STAB2: variants seen among roughly 807,000 people sequenced by gnomAD.
STAB2 encodes the protein stabilin 2, also known as stabilin-2.
A neutral mutation model predicts 338.1 loss-of-function variants in STAB2; 288 were observed. The observed-to-expected ratio is 0.85, with a 90% CI of 0.77 to 0.94. STAB2 has a LOEUF of 0.94. Ranked by LOEUF, STAB2 falls within the 40% of genes least tolerant of loss-of-function variation. STAB2 has a pLI of 0.00. For missense variants in STAB2, 3,141 were observed against 3,210.1 expected (o/e 0.98, Z 0.52); for synonymous variants, 1,202 against 1,193.3 (o/e 1.01, Z -0.15).
In STAB2 at chr12:103,652,701, A is replaced by G. The variant is rs543249520; in HGVS notation, c.1403A>G (p.Asp468Gly). 3 of 1,600,076 alleles carry G rather than the reference A, an allele frequency of 1.9e-6. No individual in the cohort carries two copies. Among genetic ancestry groups the G allele is most frequent in the African/African-American group, 2.7e-5 (2 of 74,716 alleles). Residue 468 changes from aspartate to glycine, a missense_variant, in exon 12 of 69, where the codon GAT becomes GGT. Asp to Gly is a moderately conservative substitution (Grantham distance 94). Transcript: ENST00000388887. ...TGKSGEIFNS[D>G]KDNQIKLKLH... ...AAGTCGGGGGAAATCTTCAACAGCGATAAGGTAAGGGTTCCTCTGATTTTC... is the reference window on the plus strand; with the variant it reads ...AAGTCGGGGGAAATCTTCAACAGCGGTAAGGTAAGGGTTCCTCTGATTTTC...
chr12:103,598,370 G>T (rs931651138), intron 3 of STAB2, among the ~76,000 whole-genome samples: 1 of 152,192 alleles, frequency 6.6e-6, no homozygotes, highest in African/African-American at 2.4e-5. Flanking sequence ...TTTGCTGACA[G>T]CTTATAATGG....
chr12:103,750,922 C>A (rs1332198348), intron 60 of STAB2, among the ~76,000 whole-genome samples: 3 of 152,252 alleles, frequency 2.0e-5, no homozygotes, highest in African/African-American at 7.2e-5. Flanking sequence ...AAAACCCCAT[C>A]TCTACTAAAA....
Position 103,667,494 on chromosome 12 carries a change from A to C in STAB2, c.2085+1141A>C, listed in dbSNP as rs572366682. Among the ~76,000 whole-genome samples the C allele has an allele frequency of 6.6e-5, 10 of 152,340 alleles. No homozygotes were observed. In the South Asian group the frequency reaches 2.1e-3, roughly 32 times the overall value. On this transcript the variant is annotated intron_variant, in intron 19 of 68. Transcript: ENST00000388887. The stretch of plus-strand genomic sequence containing the variant: ...GTGGCAGAACCATGATTTGTTCTAC[A>C]TGTTTAATCACCATTCTATGATTGT...
chr12:103,593,995 G>A (rs1467627216), intron 2 of STAB2, among the ~76,000 whole-genome samples: 1 of 152,194 alleles, frequency 6.6e-6, no homozygotes, highest in East Asian at 1.9e-4. Flanking sequence ...CTAAGCCTGA[G>A]CAATGGGTTT....
At chr12:103,727,899 C>T (rs1206754216) in intron 47 of STAB2, among the ~76,000 whole-genome samples, 1 of 152,080 alleles carries the variant, frequency 6.6e-6, no homozygotes, top group Non-Finnish European at 1.5e-5. Flanking sequence ...GCTGTGAATA[C>T]TGAGGGAAGT....
Position 103,699,186 on chromosome 12 carries a change from G to A in STAB2, c.3673G>A (p.Gly1225Ser). 1.2e-6 allele frequency: 2 copies of A among 1,613,028 alleles called. No homozygotes were observed. The highest frequency in any genetic ancestry group is 2.2e-5 in the East Asian group (1 of 44,826). Residue 1225 changes from glycine (G) to serine (S), a missense_variant, in exon 34 of 69, where the codon GGT becomes AGT. Transcript: ENST00000388887. ...TGGCATGCATCGTGAGACCATGCTG[G>A]GTTTCTCCTATTTCCTTAGCTTCTT... ...HNGMHRETML[G>S]FSYFLSFFLH...
intron 43 of STAB2, 138 bp from the exon 44 acceptor site, chr12:103,717,632 A>C: frequency 1.5e-6 from 1 of 688,742 alleles, no homozygotes; most frequent in Non-Finnish European, 2.6e-6. Flanking sequence ...TCATTATAAA[A>C]TAGATATTAC....
chr12:103,736,906 C>T (rs185159901), intron 52 of STAB2, among the ~76,000 whole-genome samples: 127 of 152,308 alleles, frequency 8.3e-4, no homozygotes, highest in African/African-American at 2.6e-3. Context: ...TATCCATCAA[C>T]TTACTAGCTG....
chr12:103,677,644 C>A, intron 25 of STAB2, 33 bp downstream of exon 25: 1 of 1,592,288 alleles, frequency 6.3e-7, no homozygotes, highest in Non-Finnish European at 8.6e-7. Flanking sequence ...AAAGAGAAAG[C>A]AGGAATCCTG....
Position 103,620,624 on chromosome 12 carries a change from A to AACACACACACACAC in STAB2, c.417+88_417+101dup, listed in dbSNP as rs34881989. ...TCTTCTTACCTGTTGATCCTCCTTA[A>AACACACACACACAC]ACACACACACACACACACACACACA... On this transcript the variant is annotated intron_variant, in intron 4 of 68. Coordinates refer to ENST00000388887, the MANE Select transcript of STAB2 (RefSeq NM_017564.10). 1,677 of 842,432 alleles carry AACACACACACACAC rather than the reference A, an allele frequency of 2.0e-3. 16 individuals carry two copies. The African/African-American group carries it at 0.027, about 13-fold the overall frequency. The allele number at this position is 842,432 out of a possible 1,614,324, so 52.2% of individuals were successfully genotyped here.
Position 103,737,584 on chromosome 12 carries a change from CT to C in STAB2, c.5551-49del, listed in dbSNP as rs1355523685. 3 of 1,333,744 alleles carry C rather than the reference CT, an allele frequency of 2.2e-6. No homozygotes were observed. The African/African-American group carries it at 4.6e-5, about 21-fold the overall frequency. The allele number at this position is 1,333,744 out of a possible 1,614,324, so 82.6% of individuals were successfully genotyped here. On this transcript the variant is annotated intron_variant, in intron 52 of 68. Coordinates refer to ENST00000388887, the MANE Select transcript of STAB2 (RefSeq NM_017564.10). Reference sequence around the variant, plus strand: ...AAAGAGATTGACTGTTTCTCTCTCTCTCTCTCTCTCTCTCTCTTTCTCTTTT... The same window carrying C: ...AAAGAGATTGACTGTTTCTCTCTCTCCTCTCTCTCTCTCTCTTTCTCTTTT...
At chr12:103,698,610 C>A (rs1459050153) in intron 33 of STAB2, among the ~76,000 whole-genome samples, 2 of 152,144 alleles carry the variant, frequency 1.3e-5, no homozygotes. Context: ...CACGCAGCAA[C>A]AACCCTCCTC....
chr12:103,637,378 G>A lies in STAB2; in HGVS notation c.709+142G>A. 2.7e-6 allele frequency: 3 copies of A among 1,130,380 alleles called. No homozygotes were observed. The South Asian group carries it at 5.1e-5, about 19-fold the overall frequency. 70.0% of individuals were successfully genotyped at this position (1,130,380 alleles called of 1,614,324 possible). A position where few individuals can be genotyped will look rare whatever the true frequency, so the allele number is the denominator to read the frequency against. ...GTTGAGTGAAACGTATATAAAAGGT[G>A]CCAAGCAAAATGCTCAATAAATGGC... On this transcript the variant is annotated intron_variant, in intron 7 of 68. Coordinates refer to ENST00000388887, the MANE Select transcript of STAB2 (RefSeq NM_017564.10).
At chr12:103,602,287 C>T (rs111281475) in intron 3 of STAB2, among the ~76,000 whole-genome samples, 1 of 152,154 alleles carries the variant, frequency 6.6e-6, no homozygotes, top group African/African-American at 2.4e-5. Flanking sequence ...ATGTCATTAC[C>T]TGTATCAGTA....
chr12:103,737,567 T>G, intron 52 of STAB2, 67 bp from the exon 53 acceptor site: 2 of 1,495,008 alleles, frequency 1.3e-6, no homozygotes, highest in East Asian at 2.4e-5. Flanking sequence ...TGAAAGAGAT[T>G]GACTGTTTCT....
rs546451183 is a variant in STAB2, at chr12:103,763,486, A to G, written c.7489-6A>G. ...TCCTGGCTTTCATGCTTGTCTTTCC[A>G]AACAGTCGGAAGAGGACATTAATGT... On this transcript the variant is annotated splice_region_variant and splice_polypyrimidine_tract_variant and intron_variant, in intron 67 of 68. Coordinates refer to ENST00000388887, the MANE Select transcript of STAB2 (RefSeq NM_017564.10). 3.1e-6 allele frequency: 5 copies of G among 1,613,380 alleles called. No individual in the cohort carries two copies. The African/African-American group carries it at 5.3e-5, about 17-fold the overall frequency.
intron 36 of STAB2, chr12:103,705,043 AC>A (rs1879222286): frequency 6.3e-6 from 1 of 158,662 alleles, no homozygotes; most frequent in African/African-American, 2.4e-5. Context: ...GGGGAGGTAG[AC>A]AATCCATGTT....
At chr12:103,703,393 T>A (rs887994151) in intron 35 of STAB2, 117 bp downstream of exon 35, 8 of 1,277,092 alleles carry the variant, frequency 6.3e-6, no homozygotes, top group Non-Finnish European at 8.6e-6. Flanking sequence ...CATAAACCAC[T>A]GAATGAGTAT....
In STAB2 at chr12:103,726,053, C is replaced by T. The variant is rs143910326; in HGVS notation, c.4804-63C>T. The T allele has an allele frequency of 4.1e-4, 641 of 1,574,504 alleles. 4 individuals carry two copies. The African/African-American group carries it at 7.0e-3, about 17-fold the overall frequency. On this transcript the variant is annotated intron_variant, in intron 45 of 68. Coordinates refer to ENST00000388887, the MANE Select transcript of STAB2 (RefSeq NM_017564.10). ...GGATGGCAGAGAAATCATCCCATGA[C>T]AACCCTGTATTGTTCTAATATATAT...
Sources: gnomAD v4.1 joint callset for allele counts (sites outside exome capture counted in the v4.1 genomes callset) on GRCh38, gnomAD v4.1.1 for gene constraint, MANE v1.5 for transcripts, NCBI Gene and HGNC (gene_info 2026-07-23, HGNC 2026-07-21) for gene names.